The following HMBOX1 variants were observed in gnomAD, a reference collection of about 807,000 sequenced individuals.
HMBOX1 encodes the protein homeobox containing 1.
In HMBOX1, 14 loss-of-function variants were observed where a neutral mutation model predicts 54.5. The ratio of observed to expected loss-of-function variants is 0.26; its 90% CI spans 0.17 to 0.40. The LOEUF (loss-of-function observed/expected upper bound fraction) is 0.40, where lower values mean the gene tolerates loss of function less well. Ranked by LOEUF, HMBOX1 falls within the 10% of genes least tolerant of loss-of-function variation. The probability of loss-of-function intolerance (pLI) is 1.00; values close to 1 mark genes in which losing one functional copy is unlikely to be tolerated. For synonymous variants in HMBOX1, 160 were observed against 181.0 expected (o/e 0.88, Z 0.93); for missense variants, 332 against 514.4 (o/e 0.65, Z 3.43).
At chr8:28,911,999 ATG>A (rs1815534652) in intron 1 of HMBOX1, among the ~76,000 whole-genome samples, 1 of 152,192 alleles carries the variant, frequency 6.6e-6, no homozygotes, top group African/African-American at 2.4e-5. Flanking sequence ...AACTGGCCAT[ATG>A]TGATATGCTA....
At position 29,018,767 on chromosome 8, in the gene HMBOX1, A is replaced by T; in HGVS notation, c.705A>T (p.Thr235=). The change falls in exon 6 of 10, where the codon ACA becomes ACT. Residue 235 remains threonine (T), a synonymous_variant. Transcript: ENST00000287701. ...YQLEKTNPGA[T]LSMRPAPIPI... ...GTGTCTTGTTTATTTCAGGCGCTAC[A>T]CTAAGTATGAGACCAGCCCCCATTC... is the stretch of plus-strand genomic sequence containing the variant. The T allele has an allele frequency of 1.2e-6, 2 of 1,613,386 alleles. No homozygotes were observed. Among genetic ancestry groups the T allele is most frequent in the South Asian group, 1.1e-5 (1 of 90,982 alleles).
rs1586172657 is a variant in HMBOX1, at chr8:28,970,040, TAG to T, written c.24-2_24-1del. ...AGACTTCTTTTTATCTCTTTTTTTT[TAG>T]TTTGCTGGAAACCATGTCTCATTAT... On this transcript the variant is annotated splice_acceptor_variant, in intron 2 of 9. Coordinates refer to ENST00000287701, the MANE Select transcript of HMBOX1 (RefSeq NM_001135726.3). LOFTEE classifies it high-confidence loss of function. This position sits in a 1 kb window ranked among gnomAD's most constrained non-coding sequence, Gnocchi z 4.3. 2 of 1,560,224 alleles carry T rather than the reference TAG, an allele frequency of 1.3e-6. No homozygotes were observed. The highest frequency in any genetic ancestry group is 1.8e-5 in the Admixed American group (1 of 56,834).
chr8:28,908,863 G>T (rs184760542), intron 1 of HMBOX1, among the ~76,000 whole-genome samples: 3 of 152,294 alleles, frequency 2.0e-5, no homozygotes, highest in East Asian at 3.9e-4. Flanking sequence ...GGAAGCTGAT[G>T]CAGGAGGATT....
intron 1 of HMBOX1, among the ~76,000 whole-genome samples, chr8:28,920,626 G>A (rs1378580663): frequency 6.6e-6 from 1 of 152,220 alleles, no homozygotes; most frequent in Non-Finnish European, 1.5e-5. Flanking sequence ...GCTGGAGACT[G>A]TGGCTAGGTT....
chr8:29,004,920 C>T (rs1220902269), intron 4 of HMBOX1, among the ~76,000 whole-genome samples: 2 of 152,178 alleles, frequency 1.3e-5, no homozygotes, highest in Non-Finnish European at 2.9e-5. Context: ...CATCTGTTAA[C>T]AGGCTGCTTA....
intron 1 of HMBOX1, among the ~76,000 whole-genome samples, chr8:28,898,243 A>G (rs1283534586): frequency 1.3e-5 from 2 of 152,228 alleles, no homozygotes; most frequent in Non-Finnish European, 2.9e-5. Context: ...TTTCTATTAA[A>G]AAAAGACAAA....
chr8:28,910,689 C>G (rs1815246732), intron 1 of HMBOX1, among the ~76,000 whole-genome samples: 1 of 152,022 alleles, frequency 6.6e-6, no homozygotes, highest in African/African-American at 2.4e-5. Context: ...AATATCTATT[C>G]AGGTATTTGC....
intron 6 of HMBOX1, among the ~76,000 whole-genome samples, chr8:29,030,754 A>G (rs1802831040): frequency 6.6e-6 from 1 of 152,242 alleles, no homozygotes; most frequent in African/African-American, 2.4e-5. Context: ...ACTAACTTCA[A>G]AAAACAAAAT....
intron 2 of HMBOX1, among the ~76,000 whole-genome samples, chr8:28,966,647 A>G (rs912065200): frequency 3.9e-5 from 6 of 152,184 alleles, no homozygotes; most frequent in African/African-American, 1.2e-4. Flanking sequence ...GCCTTTGTTT[A>G]TATTAATACA....
At chr8:28,926,328 T>G (rs1818494820) in intron 1 of HMBOX1, among the ~76,000 whole-genome samples, 2 of 150,656 alleles carry the variant, frequency 1.3e-5, no homozygotes, top group Admixed American at 6.6e-5. Flanking sequence ...CACACATATA[T>G]TTTAGATACA....
At chr8:28,969,252 G>T (rs1368062377) in intron 2 of HMBOX1, among the ~76,000 whole-genome samples, 1 of 152,148 alleles carries the variant, frequency 6.6e-6, no homozygotes, top group Admixed American at 6.6e-5. Flanking sequence ...CCTTAATATT[G>T]TTACTCACCC....
chr8:29,048,546 C>T (rs1000630496), intron 8 of HMBOX1: 1 of 153,462 alleles, frequency 6.5e-6, no homozygotes, highest in African/African-American at 2.4e-5. Flanking sequence ...AGGCCTGACC[C>T]TGCTTAGCTT....
intron 1 of HMBOX1, among the ~76,000 whole-genome samples, chr8:28,927,619 C>T (rs1585854154): frequency 1.3e-5 from 2 of 152,228 alleles, no homozygotes; most frequent in South Asian, 4.1e-4. Flanking sequence ...CATGAGGAAT[C>T]TGCCCCCACA....
intron 6 of HMBOX1, among the ~76,000 whole-genome samples, chr8:29,026,526 T>C (rs1313187951): frequency 1.3e-5 from 2 of 152,218 alleles, no homozygotes; most frequent in Non-Finnish European, 2.9e-5. Context: ...ATATGAATTA[T>C]ATCAAGCTGC....
intron 6 of HMBOX1, among the ~76,000 whole-genome samples, chr8:29,041,819 GC>G (rs1296509189): frequency 1.3e-5 from 2 of 151,748 alleles, no homozygotes; most frequent in African/African-American, 2.4e-5. Context: ...GAGGTTGTTT[GC>G]GGGGGGACTT....
chr8:29,051,395 C>T lies in HMBOX1; in HGVS notation c.*240C>T, dbSNP rs1586709948. 6.2e-6 allele frequency: 4 copies of T among 645,504 alleles called. No homozygotes were observed. The highest frequency in any genetic ancestry group is 3.5e-5 in the South Asian group (2 of 57,466). 40.0% of individuals were successfully genotyped at this position (645,504 alleles called of 1,614,324 possible). A position where few individuals can be genotyped will look rare whatever the true frequency, so the allele number is the denominator to read the frequency against. ...AACCAAACTTCCCTCTCCCAGCCCC[C>T]GAGGCTAGAAAATCTTGCTGCTCCG... On this transcript the variant is annotated 3_prime_UTR_variant, in exon 10 of 10. Coordinates refer to ENST00000287701, the MANE Select transcript of HMBOX1 (RefSeq NM_001135726.3).
intron 4 of HMBOX1, among the ~76,000 whole-genome samples, chr8:29,002,069 C>T (rs1157594966): frequency 6.6e-6 from 1 of 152,056 alleles, no homozygotes; most frequent in Non-Finnish European, 1.5e-5. Flanking sequence ...TTGTATTGGC[C>T]AGGAATTCAG....
At chr8:29,019,995 T>C (rs2133013861) in intron 6 of HMBOX1, among the ~76,000 whole-genome samples, 1 of 152,364 alleles carries the variant, frequency 6.6e-6, no homozygotes, top group Non-Finnish European at 1.5e-5. Context: ...TCTATTCCTT[T>C]CCTTGCTCTC....
intron 3 of HMBOX1, among the ~76,000 whole-genome samples, chr8:28,978,522 C>G (rs1172614858): frequency 6.6e-6 from 1 of 152,190 alleles, no homozygotes; most frequent in East Asian, 1.9e-4. Flanking sequence ...ACTGCTCACG[C>G]CTGTATTCCC....
Sources: allele counts gnomAD v4.1 joint callset (sites outside exome capture counted in the v4.1 genomes callset), GRCh38; gene constraint gnomAD v4.1.1; non-coding constraint Gnocchi (gnomAD v3.1); transcripts MANE v1.5; gene names NCBI Gene and HGNC (gene_info 2026-07-23, HGNC 2026-07-21).